Variants in DPY30 observed in about 807,000 individuals in gnomAD.
The protein encoded by DPY30 is dpy-30 histone methyltransferase complex regulatory subunit, also known as protein dpy-30 homolog.
DPY30 carries 6 observed loss-of-function variants against 16.2 expected under a neutral mutation model. The observed-to-expected ratio is 0.37, with a 90% CI of 0.20 to 0.73. DPY30 has a LOEUF of 0.73. DPY30 is among the 30% of genes least tolerant of loss of function. The pLI, the probability that DPY30 is intolerant of heterozygous loss-of-function variation, is 0.51. For missense variants in DPY30, 73 were observed against 113.1 expected (o/e 0.65, Z 1.61); for synonymous variants, 39 against 38.8 (o/e 1.00, Z -0.02).
intron 3 of DPY30, among the ~76,000 whole-genome samples, chr2:32,034,371 A>T (rs1026485171): frequency 6.6e-6 from 1 of 152,196 alleles, no homozygotes; most frequent in African/African-American, 2.4e-5. Flanking sequence ...ATGAATCGTG[A>T]CAGAGAGGGA....
intron 3 of DPY30, among the ~76,000 whole-genome samples, chr2:32,035,276 C>T (rs1351422072): frequency 3.3e-5 from 5 of 151,910 alleles, no homozygotes; most frequent in African/African-American, 1.2e-4. Context: ...GAGCAAGACT[C>T]GGTCTTAAAA....
intron 3 of DPY30, among the ~76,000 whole-genome samples, chr2:32,030,411 A>C (rs1379829132): frequency 6.6e-6 from 1 of 152,104 alleles, no homozygotes; most frequent in Non-Finnish European, 1.5e-5. Context: ...CGGGCAGATC[A>C]CGAGATCAGG....
chr2:32,026,989 A>G (rs1368093046), intron 4 of DPY30, among the ~76,000 whole-genome samples: 1 of 151,042 alleles, frequency 6.6e-6, no homozygotes, highest in Non-Finnish European at 1.5e-5. Flanking sequence ...GAATAGGGGA[A>G]TAAGGGCCAG....
At chr2:32,030,748 G>A (rs974448306) in intron 3 of DPY30, among the ~76,000 whole-genome samples, 2 of 151,956 alleles carry the variant, frequency 1.3e-5, no homozygotes, top group Non-Finnish European at 2.9e-5. Flanking sequence ...GCAGTGAGAC[G>A]AGATCATGCC....
At chr2:32,020,026 T>G (rs566009247), downstream of DPY30, among the ~76,000 whole-genome samples, 77 of 148,374 alleles carry the variant, frequency 5.2e-4, no homozygotes, top group Non-Finnish European at 8.9e-4. Context: ...TCTGTAACCT[T>G]AAGGAAATTA....
intron 3 of DPY30, among the ~76,000 whole-genome samples, chr2:32,038,420 G>A (rs1257728408): frequency 1.1e-5 from 1 of 94,520 alleles, no homozygotes; most frequent in Middle Eastern, 0.011. Flanking sequence ...GGGGGGGGGG[G>A]GCGGGGGGAG....
At chr2:32,022,647 G>A (rs1415409922), downstream of DPY30, among the ~76,000 whole-genome samples, 1 of 151,746 alleles carries the variant, frequency 6.6e-6, no homozygotes, top group Non-Finnish European at 1.5e-5. Flanking sequence ...CCTCCCGAGT[G>A]GCTGGGACGA....
chr2:32,022,289 T>C (rs1401957726), downstream of DPY30, among the ~76,000 whole-genome samples: 1 of 151,932 alleles, frequency 6.6e-6, no homozygotes, highest in Non-Finnish European at 1.5e-5. Context: ...GATTAACTTA[T>C]GAGTTAGCCA....
At chr2:32,019,879 T>C (rs964683716), downstream of DPY30, among the ~76,000 whole-genome samples, 3 of 146,772 alleles carry the variant, frequency 2.0e-5, no homozygotes, top group East Asian at 2.0e-4. Flanking sequence ...TATGTGTATA[T>C]ATATATGTAT....
chr2:32,032,896 T>C (rs930745316), intron 3 of DPY30, among the ~76,000 whole-genome samples: 3 of 151,948 alleles, frequency 2.0e-5, no homozygotes, highest in African/African-American at 7.3e-5. Context: ...TTCAGGAGGC[T>C]AAGGCAGGAG....
chr2:32,035,941 AAAAAAAAAAAAAG>A (rs1675718518), intron 3 of DPY30, among the ~76,000 whole-genome samples: 1 of 150,860 alleles, frequency 6.6e-6, no homozygotes, highest in Non-Finnish European at 1.5e-5. Flanking sequence ...TCGAAGAAAA[AAAAAAAAAAAAAG>A]AAAAAGAAAA....
intron 5 of DPY30, chr2:32,013,462 A>G (rs1178311218): frequency 1.3e-5 from 2 of 152,238 alleles, no homozygotes; most frequent in Non-Finnish European, 2.9e-5. Flanking sequence ...TTACTCAAGT[A>G]TACCCTTGAA....
intron 5 of DPY30, among the ~76,000 whole-genome samples, chr2:32,012,367 T>C (rs187739705): frequency 6.8e-6 from 1 of 146,046 alleles, no homozygotes; most frequent in Admixed American, 6.9e-5. Flanking sequence ...AAACATAATA[T>C]GCAACAAAAA....
intron 1 of DPY30, 35 bp from the exon 2 acceptor site, chr2:32,039,527 A>T: frequency 6.2e-7 from 1 of 1,607,094 alleles, no homozygotes; most frequent in Non-Finnish European, 8.5e-7. Context: ...GTTACCTGGG[A>T]GATTTCAACA....
chr2:32,026,002 G>A (rs1437047519), intron 4 of DPY30, among the ~76,000 whole-genome samples: 1 of 152,082 alleles, frequency 6.6e-6, no homozygotes, highest in African/African-American at 2.4e-5. Context: ...CAGCTACTCA[G>A]GAGGTTAGGT....
chr2:32,026,515 G>C (rs959078391), intron 4 of DPY30, among the ~76,000 whole-genome samples: 10 of 152,078 alleles, frequency 6.6e-5, no homozygotes, highest in African/African-American at 2.4e-4. Context: ...TGGAGGCCGA[G>C]TGTAATGGCT....
chr2:32,019,536 AG>A (rs1675131220), downstream of DPY30, among the ~76,000 whole-genome samples: 1 of 151,404 alleles, frequency 6.6e-6, no homozygotes, highest in Admixed American at 6.6e-5. Flanking sequence ...TAGTATTGGC[AG>A]GGGGTGGTGG....
intron 5 of DPY30, among the ~76,000 whole-genome samples, chr2:32,012,763 A>T (rs1674988881): frequency 6.6e-6 from 1 of 152,164 alleles, no homozygotes; most frequent in South Asian, 2.1e-4. Context: ...GGTAACAGAA[A>T]AAAGAAGGCT....
downstream of DPY30, among the ~76,000 whole-genome samples, chr2:32,021,449 G>A (rs570512243): frequency 2.6e-5 from 4 of 152,138 alleles, no homozygotes; most frequent in African/African-American, 4.8e-5. Context: ...AGGCTGAGGC[G>A]GGTGGATCAC....
Sources: allele counts gnomAD v4.1 joint callset (sites outside exome capture counted in the v4.1 genomes callset), GRCh38; gene constraint gnomAD v4.1.1; transcripts MANE v1.5; gene names NCBI Gene and HGNC (gene_info 2026-07-23, HGNC 2026-07-21).